PARVG: variants seen among roughly 807,000 people sequenced by gnomAD.
PARVG encodes gamma-parvin.
A neutral mutation model predicts 44.4 loss-of-function variants in PARVG; 36 were observed. The ratio of observed to expected loss-of-function variants is 0.81; its 90% CI spans 0.62 to 1.07. The LOEUF is 1.07. PARVG is among the 50% of genes least tolerant of loss of function. PARVG has a pLI of 0.00. For synonymous variants in PARVG, 170 were observed against 174.1 expected, an observed-to-expected ratio of 0.98 and a Z score of 0.19; for missense variants, 407 against 407.4, an observed-to-expected ratio of 1.00 and a Z score of 0.01.
In PARVG at chr22:44,204,535, G is replaced by A. The variant is rs35842976; in HGVS notation, c.814-1222G>A. Among the ~76,000 whole-genome samples the A allele has an allele frequency of 6.2e-3, 946 of 152,358 alleles. 3 individuals are homozygous for A. The highest frequency in any genetic ancestry group is 0.011 in the Non-Finnish European group (742 of 68,032). ...CTAGATCCCAAGAGTCCTCTTGCTC[G>A]GGCCATCCAGCAGGTGGCTGGAGGT... On this transcript the variant is annotated intron_variant, in intron 12 of 13. Coordinates refer to ENST00000444313, the MANE Select transcript of PARVG (RefSeq NM_022141.7).
intron 4 of PARVG, 75 bp from the exon 5 acceptor site, chr22:44,187,701 A>G (rs1271532606): frequency 2.1e-6 from 3 of 1,396,124 alleles, no homozygotes; most frequent in Non-Finnish European, 3.0e-6. Context: ...GGCGAGAGGC[A>G]GGCATTCTGA....
rs1316735746 is a variant in PARVG, at chr22:44,189,135, T to A, written c.269T>A (p.Leu90Gln). The change falls in exon 6 of 14, where the codon CTG becomes CAG. Residue 90 changes from leucine to glutamine, a missense_variant. Physicochemically the swap from Leu to Gln is moderately radical, Grantham distance 113. Coordinates refer to ENST00000444313, the MANE Select transcript of PARVG (RefSeq NM_022141.7). ...CCAGAGAGGCTGGCGGCGCTCAAGCTGGAAGCAGAGGACATCGCCCTGACA... is the reference window on the plus strand; with the variant it reads ...CCAGAGAGGCTGGCGGCGCTCAAGCAGGAAGCAGAGGACATCGCCCTGACA... ...HLFQRLAALK[L>Q]EAEDIALTAT... 6.2e-7 allele frequency: 1 copy of A among 1,613,942 alleles called. No homozygotes were observed. The highest frequency in any genetic ancestry group is 8.5e-7 in the Non-Finnish European group (1 of 1,180,004).
At chr22:44,200,828 C>T (rs1258731687) in intron 12 of PARVG, among the ~76,000 whole-genome samples, 1 of 152,086 alleles carries the variant, frequency 6.6e-6, no homozygotes, top group Non-Finnish European at 1.5e-5. Flanking sequence ...GTGAGGTCCC[C>T]CCTGGACCCC....
intron 12 of PARVG, among the ~76,000 whole-genome samples, chr22:44,203,168 A>T (rs2054732373): frequency 6.6e-6 from 1 of 152,202 alleles, no homozygotes; most frequent in African/African-American, 2.4e-5. Flanking sequence ...GTCGATAGCA[A>T]TTCCCAAAGC....
intron 12 of PARVG, among the ~76,000 whole-genome samples, chr22:44,199,931 G>A (rs2147237844): frequency 6.6e-6 from 1 of 152,286 alleles, no homozygotes; most frequent in East Asian, 1.9e-4. Context: ...GCTGGGAGCT[G>A]GCTGCCTGCT....
At chr22:44,198,956 A>G (rs1381670757) in intron 12 of PARVG, among the ~76,000 whole-genome samples, 2 of 127,312 alleles carry the variant, frequency 1.6e-5, no homozygotes, top group East Asian at 2.4e-4. Flanking sequence ...CCATCCATCC[A>G]TCCATCCATC....
upstream of PARVG, among the ~76,000 whole-genome samples, chr22:44,180,191 G>C (rs571655855): frequency 1.3e-5 from 2 of 152,054 alleles, no homozygotes; most frequent in Non-Finnish European, 2.9e-5. Flanking sequence ...CTCCTATCCC[G>C]AGGCCCCTCT....
chr22:44,187,530 C>T (rs1261361199), intron 4 of PARVG: 2 of 568,024 alleles, frequency 3.5e-6, no homozygotes, highest in Admixed American at 3.0e-5. Flanking sequence ...TAAAACCTCA[C>T]ACATGATAAT....
At chr22:44,203,819 C>T (rs73426495) in intron 12 of PARVG, among the ~76,000 whole-genome samples, 2,936 of 152,246 alleles carry the variant, frequency 0.019, 103 homozygotes, top group African/African-American at 0.067. Context: ...AGTTTCACCC[C>T]GCATTGGCCC....
At chr22:44,202,785 C>T (rs2054726955) in intron 12 of PARVG, among the ~76,000 whole-genome samples, 1 of 152,216 alleles carries the variant, frequency 6.6e-6, no homozygotes, top group Non-Finnish European at 1.5e-5. Context: ...ATCAGACCCT[C>T]TTTGCTGATG....
At chr22:44,198,749 T>C (rs1384510072) in intron 12 of PARVG, 27 bp downstream of exon 12, 8 of 1,534,030 alleles carry the variant, frequency 5.2e-6, no homozygotes, top group Non-Finnish European at 7.2e-6. Flanking sequence ...TTTTTCTTTA[T>C]GGTCTACCTC....
chr22:44,183,446 G>A (rs1356630678), intron 3 of PARVG, 38 bp downstream of exon 3: 1 of 1,536,964 alleles, frequency 6.5e-7, no homozygotes, highest in Non-Finnish European at 8.7e-7. Flanking sequence ...GAGGGTGAAG[G>A]TCTGTGTGGC....
exon 1 of PARVG, chr22:44,173,160 AG>A (rs2054286098): frequency 7.8e-7 from 1 of 1,282,168 alleles, no homozygotes. Flanking sequence ...TGGGACCACA[AG>A]GAGAAGAGGG....
chr22:44,198,683 A>G lies in PARVG; in HGVS notation c.774A>G (p.Leu258=). Residue 258 remains leucine (L), a synonymous_variant, in exon 12 of 14, where the codon TTA becomes TTG. Transcript: ENST00000444313. The stretch of plus-strand genomic sequence containing the variant: ...AACTTGAAGGCTTCTTCCTGCACTT[A>G]AAGGAATTCTACCTCACTCCCAACT... The part of the protein sequence containing the change: ...IGQLEGFFLH[L]KEFYLTPNSP... 6.2e-7 allele frequency: 1 copy of G among 1,613,868 alleles called. No homozygotes were observed. The highest frequency in any genetic ancestry group is 8.5e-7 in the Non-Finnish European group (1 of 1,179,806).
chr22:44,186,296 TGGTG>T, intron 4 of PARVG: 1 of 329,450 alleles, frequency 3.0e-6, no homozygotes. Flanking sequence ...GTAGGAGAAC[TGGTG>T]AGGTGGTGGT....
In PARVG at chr22:44,181,069, A is replaced by C; in HGVS notation, c.-305A>C. ...CCTTCTTCTTCCACTGCAAACTCCT[A>C]TGCAGCCGTCAAGGCCCCATTCTCC... On this transcript the variant is annotated 5_prime_UTR_variant, in exon 1 of 14. The change abolishes an upstream ATG in the 5' untranslated region. Transcript: ENST00000444313. The C allele has an allele frequency of 1.2e-6, 1 of 805,342 alleles. No homozygotes were observed. Among genetic ancestry groups the C allele is most frequent in the Non-Finnish European group, 1.5e-6 (1 of 665,690 alleles). 49.9% of individuals were successfully genotyped at this position (805,342 alleles called of 1,614,324 possible).
In PARVG at chr22:44,185,824, C is replaced by G; in HGVS notation, c.96C>G (p.Tyr32Ter). The G allele has an allele frequency of 6.2e-7, 1 of 1,613,642 alleles. No homozygotes were observed. The highest frequency in any genetic ancestry group is 8.5e-7 in the Non-Finnish European group (1 of 1,179,728). Residue 32 changes from tyrosine (Y) to a stop codon, truncating the protein, a stop_gained, in exon 4 of 14, where the codon TAC becomes TAG. Transcript: ENST00000444313. LOFTEE classifies it high-confidence loss of function. ...TGCTTCCAGGAGGAAAGAAGAAATA[C>G]CTGCCACCCACTTCCCGGAAGGACC... ...EELSKGGKKK[Y>*]LPPTSRKDPK... is the part of the protein sequence containing the mutation.
intron 4 of PARVG, chr22:44,187,434 A>C (rs2054489048): frequency 2.8e-6 from 1 of 356,712 alleles, no homozygotes; most frequent in South Asian, 3.4e-5. Context: ...TTTTCTATCA[A>C]GTGCTCATTG....
chr22:44,205,559 G>A (rs975061473), intron 12 of PARVG, among the ~76,000 whole-genome samples, 198 bp from the exon 13 acceptor site: 2 of 152,246 alleles, frequency 1.3e-5, no homozygotes, highest in Admixed American at 1.3e-4. Context: ...GACATGGATT[G>A]CTTGTGTGAC....
Sources: allele counts gnomAD v4.1 joint callset (sites outside exome capture counted in the v4.1 genomes callset), GRCh38; gene constraint gnomAD v4.1.1; transcripts MANE v1.5; gene names NCBI Gene and HGNC (gene_info 2026-07-23, HGNC 2026-07-21).